CLIP1: variants seen among roughly 807,000 people sequenced by gnomAD.
CLIP1 encodes CAP-Gly domain containing linker protein 1, also known as CAP-Gly domain-containing linker protein 1.
CLIP1 carries 66 observed loss-of-function variants against 161.6 expected under a neutral mutation model. That is an observed-to-expected ratio of 0.41 (90% CI 0.33 to 0.50). CLIP1 has a LOEUF of 0.50. Ranked by LOEUF, CLIP1 falls within the 20% of genes least tolerant of loss-of-function variation. CLIP1 has a pLI of 0.27. For missense variants in CLIP1, 1,376 were observed against 1,702.0 expected (o/e 0.81, Z 3.37); for synonymous variants, 598 against 626.2 (o/e 0.96, Z 0.67).
chr12:122,401,791 G>C (rs1384717015), intron 1 of CLIP1, among the ~76,000 whole-genome samples: 1 of 152,088 alleles, frequency 6.6e-6, no homozygotes, highest in Non-Finnish European at 1.5e-5. Flanking sequence ...CTGAGGTCAG[G>C]AGTTCAAGAC....
At chr12:122,414,886 A>G (rs1034319467) in intron 1 of CLIP1, among the ~76,000 whole-genome samples, 1 of 151,980 alleles carries the variant, frequency 6.6e-6, no homozygotes, top group Non-Finnish European at 1.5e-5. Context: ...CACATTATGT[A>G]TATTAAAAAT....
rs746115624 is a variant in CLIP1, at chr12:122,316,907, C to T, written c.3367-52G>A. On this transcript the variant is annotated intron_variant, in intron 18 of 25. Transcript: ENST00000620786. ...ATGAAATTATTTCATTTTCCAGTGA[C>T]ATGAATGAACAAATTATTCATGAAA... 3 of 1,035,992 alleles carry T rather than the reference C, an allele frequency of 2.9e-6. No individual in the cohort carries two copies. In the South Asian group the frequency reaches 5.0e-5, roughly 17 times the overall value. The allele number at this position is 1,035,992 out of a possible 1,614,324, so 64.2% of individuals were successfully genotyped here. A position where few individuals can be genotyped will look rare whatever the true frequency, so the allele number is the denominator to read the frequency against.
At chr12:122,354,969 C>A in intron 6 of CLIP1, 146 bp downstream of exon 6, 1 of 715,554 alleles carries the variant, frequency 1.4e-6, no homozygotes, top group Non-Finnish European at 2.4e-6. Context: ...CAGACTGTAG[C>A]TTTCAAACAA....
At chr12:122,395,908 G>C (rs1955894446) in intron 1 of CLIP1, 1 of 152,188 alleles carries the variant, frequency 6.6e-6, no homozygotes, top group Admixed American at 6.6e-5. Context: ...TCAAGAGATA[G>C]AGACAACCCT....
At chr12:122,292,201 C>T (rs918903774) in intron 20 of CLIP1, among the ~76,000 whole-genome samples, 10 of 150,502 alleles carry the variant, frequency 6.6e-5, no homozygotes, top group Admixed American at 6.6e-4. Context: ...TGGAGTTTCA[C>T]TATATTGGTC....
chr12:122,346,930 C>T (rs1010763784), intron 10 of CLIP1, among the ~76,000 whole-genome samples: 1 of 152,142 alleles, frequency 6.6e-6, no homozygotes, highest in Non-Finnish European at 1.5e-5. Flanking sequence ...TTTCCATTTC[C>T]TTCTCCAAGA....
At chr12:122,368,861 G>A (rs1333127306) in intron 3 of CLIP1, among the ~76,000 whole-genome samples, 1 of 151,812 alleles carries the variant, frequency 6.6e-6, no homozygotes, top group African/African-American at 2.4e-5. Context: ...AACCCCAGAG[G>A]TGGAGGTTGC....
Position 122,341,433 on chromosome 12 carries a change from G to A in CLIP1, c.1771C>T (p.Leu591=), listed in dbSNP as rs200905334. The part of the protein sequence containing the change: ...EETHQKEIKA[L]YTATEKLSKE... ...GAAAGCTTTTCCGTGGCGGTATACAGAGCCTTTATCTCCTTCTGATGAGTT... is the reference window on the plus strand; with the variant it reads ...GAAAGCTTTTCCGTGGCGGTATACAAAGCCTTTATCTCCTTCTGATGAGTT... Residue 591 remains leucine (L), a synonymous_variant, in exon 11 of 26, where the codon CTG becomes TTG. Coordinates refer to ENST00000620786, the MANE Select transcript of CLIP1 (RefSeq NM_001247997.2). 1.7e-5 allele frequency: 27 copies of A among 1,614,058 alleles called. No homozygotes were observed. In the Admixed American group the frequency reaches 2.3e-4, roughly 14 times the overall value.
chr12:122,340,290 G>A (rs1952438419), intron 11 of CLIP1, among the ~76,000 whole-genome samples: 2 of 152,122 alleles, frequency 1.3e-5, no homozygotes, highest in Non-Finnish European at 2.9e-5. Flanking sequence ...ATGTTGGCCA[G>A]GCTGATCTCG....
At chr12:122,326,713 A>C (rs1210117986) in intron 17 of CLIP1, among the ~76,000 whole-genome samples, 4 of 152,148 alleles carry the variant, frequency 2.6e-5, no homozygotes, top group African/African-American at 7.2e-5. Context: ...ACCTTACATC[A>C]GCTTCTGCGA....
intron 20 of CLIP1, among the ~76,000 whole-genome samples, chr12:122,302,266 A>AT (rs1183583403): frequency 3.3e-5 from 5 of 151,272 alleles, no homozygotes; most frequent in Admixed American, 1.3e-4. Context: ...ATGCCTGGCT[A>AT]TTTTTTTTCT....
chr12:122,403,877 G>A (rs766081459), intron 1 of CLIP1, among the ~76,000 whole-genome samples: 1 of 152,066 alleles, frequency 6.6e-6, no homozygotes, highest in African/African-American at 2.4e-5. Context: ...TTAGTCTTCC[G>A]AATAAGATAC....
chr12:122,361,216 A>G lies in CLIP1; in HGVS notation c.783-35T>C, dbSNP rs750520997. The G allele has an allele frequency of 9.3e-6, 14 of 1,505,792 alleles. No individual in the cohort carries two copies. In the Admixed American group the frequency reaches 2.0e-4, roughly 22 times the overall value. The allele number at this position is 1,505,792 out of a possible 1,614,324, so 93.3% of individuals were successfully genotyped here. A position where few individuals can be genotyped will look rare whatever the true frequency, so the allele number is the denominator to read the frequency against. Reference sequence around the variant, plus strand: ...ACAATAAGAACAATAACAAAAAACAACTTAATCACAAGAAATAATAACTAT... The same window carrying G: ...ACAATAAGAACAATAACAAAAAACAGCTTAATCACAAGAAATAATAACTAT... On this transcript the variant is annotated intron_variant, in intron 4 of 25. Transcript: ENST00000620786.
intron 13 of CLIP1, among the ~76,000 whole-genome samples, chr12:122,334,329 CA>C (rs1952116594): frequency 6.6e-6 from 1 of 152,226 alleles, no homozygotes; most frequent in Admixed American, 6.5e-5. Context: ...AGACAGGCAT[CA>C]GGCCCTTTCC....
chr12:122,409,103 G>A (rs1956433928), intron 1 of CLIP1, among the ~76,000 whole-genome samples: 1 of 151,244 alleles, frequency 6.6e-6, no homozygotes, highest in Admixed American at 6.6e-5. Flanking sequence ...GAGTTACCAC[G>A]CCCAGCCTAT....
chr12:122,380,434 T>C lies in CLIP1; in HGVS notation c.19A>G (p.Ser7Gly), dbSNP rs1434072188. ...ATCTTGGTGGGGGCCTTAAGCCCAC[T>C]TGGCTTTAGCATACTCATTTTCTTT... MSMLKP[S>G]GLKAPTKILK... is the part of the protein sequence containing the mutation. The change falls in exon 2 of 26, where the codon AGT becomes GGT. Residue 7 changes from serine to glycine, a missense_variant. This residue lies in a region of CLIP1 where 66 missense variants were observed against 67.8 expected (regional missense o/e 0.97). Coordinates refer to ENST00000620786, the MANE Select transcript of CLIP1 (RefSeq NM_001247997.2). 1.2e-6 allele frequency: 2 copies of C among 1,612,908 alleles called. No homozygotes were observed. Among genetic ancestry groups the C allele is most frequent in the Non-Finnish European group, 1.7e-6 (2 of 1,179,370 alleles).
chr12:122,298,227 A>G (rs762703291), intron 20 of CLIP1, among the ~76,000 whole-genome samples: 16 of 152,168 alleles, frequency 1.1e-4, no homozygotes, highest in Non-Finnish European at 1.9e-4. Flanking sequence ...TATGCTACCA[A>G]CTAAAGTTCT....
Position 122,292,928 on chromosome 12 carries a change from G to A in CLIP1, c.3595-4387C>T, listed in dbSNP as rs983941874. Among the ~76,000 whole-genome samples, 183 of 149,794 alleles carry A rather than the reference G, an allele frequency of 1.2e-3. 1 individual carries two copies. Among genetic ancestry groups the A allele is most frequent in the African/African-American group, 4.4e-3 (175 of 39,930 alleles). ...TGAGGCAGGAGAATGGCATGAACCCGGGAGGCGGAGCTTGCAGTGGGCCGA... is the reference window on the plus strand; with the variant it reads ...TGAGGCAGGAGAATGGCATGAACCCAGGAGGCGGAGCTTGCAGTGGGCCGA... On this transcript the variant is annotated intron_variant, in intron 20 of 25. Coordinates refer to ENST00000620786, the MANE Select transcript of CLIP1 (RefSeq NM_001247997.2).
chr12:122,289,416 C>T (rs1432994936), intron 20 of CLIP1, among the ~76,000 whole-genome samples: 1 of 136,488 alleles, frequency 7.3e-6, no homozygotes, highest in Non-Finnish European at 1.6e-5. Context: ...GAGACTCCAT[C>T]TAAAAAAAAA....
Sources: allele counts gnomAD v4.1 joint callset (sites outside exome capture counted in the v4.1 genomes callset), GRCh38; gene constraint gnomAD v4.1.1; regional missense constraint gnomAD v4.1.1; transcripts MANE v1.5; gene names NCBI Gene and HGNC (gene_info 2026-07-23, HGNC 2026-07-21).